NRXN3: variants seen among roughly 807,000 people sequenced by gnomAD.
NRXN3 encodes neurexin III.
In NRXN3, 32 loss-of-function variants were observed where a neutral mutation model predicts 137.6. The observed-to-expected ratio is 0.23, with a 90% CI of 0.18 to 0.31. NRXN3 has a LOEUF of 0.31. Among genes scored for constraint, NRXN3 ranks in the 10% least tolerant of loss-of-function variants. NRXN3 has a pLI of 1.00. For synonymous variants in NRXN3, 798 were observed against 784.5 expected, an observed-to-expected ratio of 1.02 and a Z score of -0.29; for missense variants, 1,574 against 2,062.5, an observed-to-expected ratio of 0.76 and a Z score of 4.59.
chr14:78,523,643 C>CAAAAAA (rs3036598), intron 4 of NRXN3, among the ~76,000 whole-genome samples: 281 of 77,452 alleles, frequency 3.6e-3, no homozygotes, highest in African/African-American at 4.9e-3. Flanking sequence ...ACTACAAATA[C>CAAAAAA]AAAAAAAAAA....
intron 8 of NRXN3, among the ~76,000 whole-genome samples, chr14:78,764,813 A>G (rs1188538875): frequency 2.0e-5 from 3 of 152,252 alleles, no homozygotes; most frequent in African/African-American, 7.2e-5. Context: ...GGAGTGCACC[A>G]TTAGACCTTG....
intron 10 of NRXN3, among the ~76,000 whole-genome samples, chr14:78,956,163 T>C (rs1209142754): frequency 1.3e-5 from 2 of 152,302 alleles, no homozygotes; most frequent in African/African-American, 4.8e-5. Flanking sequence ...TTTCCACATA[T>C]AGATTGACTA....
At chr14:79,212,071 T>C (rs1439431285) in intron 15 of NRXN3, among the ~76,000 whole-genome samples, 1 of 152,216 alleles carries the variant, frequency 6.6e-6, no homozygotes, top group Non-Finnish European at 1.5e-5. Flanking sequence ...TTCCTGTGCA[T>C]GTTCAGGAAT....
chr14:78,798,513 T>C (rs547599013), intron 8 of NRXN3, among the ~76,000 whole-genome samples: 3 of 152,312 alleles, frequency 2.0e-5, no homozygotes, highest in Admixed American at 2.0e-4. Flanking sequence ...GTATGGCTTT[T>C]CTAGGTGCAC....
intron 2 of NRXN3, among the ~76,000 whole-genome samples, chr14:78,249,343 T>C (rs2068221677): frequency 6.6e-6 from 1 of 152,232 alleles, no homozygotes; most frequent in Admixed American, 6.5e-5. Flanking sequence ...CATTTGGTAA[T>C]GAGATACCAC....
intron 16 of NRXN3, among the ~76,000 whole-genome samples, chr14:79,471,654 T>A (rs2096509464): frequency 1.3e-5 from 2 of 152,116 alleles, no homozygotes; most frequent in Admixed American, 1.3e-4. Context: ...ATAGGAGAGT[T>A]GGACAGAAAG....
At chr14:79,680,871 T>A (rs1243481833) in intron 17 of NRXN3, among the ~76,000 whole-genome samples, 1 of 152,154 alleles carries the variant, frequency 6.6e-6, no homozygotes, top group East Asian at 1.9e-4. Flanking sequence ...GTCAGATAAG[T>A]AGGTCCTTGT....
intron 16 of NRXN3, among the ~76,000 whole-genome samples, chr14:79,596,688 AT>A (rs1447966133): frequency 6.6e-6 from 1 of 151,970 alleles, no homozygotes; most frequent in Non-Finnish European, 1.5e-5. Context: ...TGGGGTTGGA[AT>A]GTCTCTGTTT....
chr14:79,837,658 C>T (rs574582872), intron 20 of NRXN3, among the ~76,000 whole-genome samples: 2 of 152,242 alleles, frequency 1.3e-5, no homozygotes, highest in South Asian at 2.1e-4. Flanking sequence ...ACTAATAGTT[C>T]TTTGATGTCA....
At chr14:79,824,421 A>G (rs1603616791) in intron 20 of NRXN3, among the ~76,000 whole-genome samples, 1 of 151,594 alleles carries the variant, frequency 6.6e-6, no homozygotes, top group East Asian at 1.9e-4. Flanking sequence ...TTCCACGTGC[A>G]TCTTACGACT....
intron 17 of NRXN3, among the ~76,000 whole-genome samples, chr14:79,683,645 A>G (rs2098681617): frequency 6.6e-6 from 1 of 152,166 alleles, no homozygotes; most frequent in Non-Finnish European, 1.5e-5. Context: ...TTCTGGCTTA[A>G]GGTGTCTGAT....
intron 10 of NRXN3, among the ~76,000 whole-genome samples, chr14:78,822,821 A>C (rs1318203840): frequency 2.6e-5 from 4 of 152,168 alleles, no homozygotes; most frequent in Non-Finnish European, 4.4e-5. Flanking sequence ...ACCATTGTAC[A>C]TATTGCCTCT....
At chr14:78,484,499 C>A (rs966706486) in intron 4 of NRXN3, among the ~76,000 whole-genome samples, 1 of 152,162 alleles carries the variant, frequency 6.6e-6, no homozygotes, top group Non-Finnish European at 1.5e-5. Flanking sequence ...TCCTCCATGT[C>A]ATGACTGGAT....
At chr14:78,287,204 T>C (rs1016264099) in intron 3 of NRXN3, among the ~76,000 whole-genome samples, 3 of 152,190 alleles carry the variant, frequency 2.0e-5, no homozygotes, top group African/African-American at 7.2e-5. Flanking sequence ...CCCACATATA[T>C]CATGAGTAGT....
In NRXN3 at chr14:79,108,084, G is replaced by A. The variant is rs977412789; in HGVS notation, c.3262+119943G>A. On this transcript the variant is annotated intron_variant, in intron 15 of 20. Transcript: ENST00000335750. ...TGAACAGGGAAGGAGTAGTAGCTAC[G>A]TGTCACTGTGTTTTATATGATAAGT... Among the ~76,000 whole-genome samples, 9 of 152,250 alleles carry A rather than the reference G, an allele frequency of 5.9e-5. No individual in the cohort carries two copies. In the East Asian group the frequency reaches 1.3e-3, roughly 23 times the overall value.
chr14:79,718,920 C>T (rs2098832882), intron 19 of NRXN3, among the ~76,000 whole-genome samples: 1 of 152,026 alleles, frequency 6.6e-6, no homozygotes, highest in African/African-American at 2.4e-5. Context: ...TAGAAGACTT[C>T]TCTGTTTTTT....
chr14:79,508,406 T>TTTTTTTTTTTTTTA (rs67924687), intron 16 of NRXN3, among the ~76,000 whole-genome samples: 5 of 143,618 alleles, frequency 3.5e-5, no homozygotes, highest in African/African-American at 1.3e-4. Context: ...TTTTTTTTTT[T>TTTTTTTTTTTTTTA]AAGACAGAGT....
intron 15 of NRXN3, among the ~76,000 whole-genome samples, chr14:79,316,629 A>C (rs190029589): frequency 7.9e-5 from 12 of 152,240 alleles, no homozygotes; most frequent in East Asian, 5.8e-4. Context: ...CCAGTTGACA[A>C]CTTGCCCTGC....
intron 15 of NRXN3, among the ~76,000 whole-genome samples, chr14:79,282,962 C>T (rs1206255230): frequency 6.6e-6 from 1 of 152,160 alleles, no homozygotes; most frequent in Non-Finnish European, 1.5e-5. Context: ...TGGCTTCCAT[C>T]CTGCACCCAA....
Sources: gnomAD v4.1 joint callset for allele counts (sites outside exome capture counted in the v4.1 genomes callset) on GRCh38, gnomAD v4.1.1 for gene constraint, MANE v1.5 for transcripts, NCBI Gene and HGNC (gene_info 2026-07-23, HGNC 2026-07-21) for gene names.